C10orf105: variants seen among roughly 807,000 people sequenced by gnomAD.
C10orf105 encodes the protein chromosome 10 open reading frame 105, also known as uncharacterized protein C10orf105.
C10orf105 carries 2 observed loss-of-function variants against 0.6 expected under a neutral mutation model. The ratio of observed to expected loss-of-function variants is 3.18; its 90% CI spans 1.30 to 10.01. The LOEUF is 10.01. C10orf105 is among the 30% of genes most tolerant of loss of function. C10orf105 has a pLI of 0.04. For synonymous variants in C10orf105, 95 were observed against 82.4 expected, an observed-to-expected ratio of 1.15 and a Z score of -0.83; for missense variants, 209 against 191.4, an observed-to-expected ratio of 1.09 and a Z score of -0.54.
upstream of C10orf105, among the ~76,000 whole-genome samples, chr10:71,721,186 G>A (rs1487186039): frequency 3.9e-5 from 6 of 152,210 alleles, no homozygotes; most frequent in East Asian, 5.8e-4. Context: ...TCTGGGCAAC[G>A]TGGCTCTCTT....
chr10:71,716,003 C>A lies in C10orf105; in HGVS notation c.335G>T (p.Arg112Leu), dbSNP rs200650849. 1.3e-6 allele frequency: 2 copies of A among 1,500,096 alleles called. No individual in the cohort carries two copies. The highest frequency in any genetic ancestry group is 1.8e-6 in the Non-Finnish European group (2 of 1,123,834). 92.9% of individuals were successfully genotyped at this position (1,500,096 alleles called of 1,614,324 possible). A position where few individuals can be genotyped will look rare whatever the true frequency, so the allele number is the denominator to read the frequency against. ...SFRHGRPTVPRQPLPGPEDNR... is the reference protein window; with the variant it reads ...SFRHGRPTVPLQPLPGPEDNR... ...GTCCTCGGGGCCCGGCAGGGGCTGT[C>A]GAGGGACGGTGGGCCGGCCATGGCG... The change falls in exon 2 of 2, where the codon CGA becomes CTA. Residue 112 changes from arginine (R) to leucine (L), a missense_variant. Arg to Leu is a moderately radical substitution (Grantham distance 102). Transcript: ENST00000441508.
At chr10:71,724,251 G>A (rs1735560209), upstream of C10orf105, 3 of 785,494 alleles carry the variant, frequency 3.8e-6, no homozygotes, top group Admixed American at 2.5e-5. Context: ...AGGAAACAGG[G>A]ACATTCTCCT....
At chr10:71,736,280 C>T (rs541266692) in intron 1 of C10orf105, among the ~76,000 whole-genome samples, 7 of 152,356 alleles carry the variant, frequency 4.6e-5, no homozygotes, top group African/African-American at 1.4e-4. Context: ...CCACCAGCCC[C>T]GGTAGCCCCA....
intron 1 of C10orf105, among the ~76,000 whole-genome samples, chr10:71,728,862 C>A (rs1866931444): frequency 6.6e-6 from 1 of 152,154 alleles, no homozygotes; most frequent in Non-Finnish European, 1.5e-5. Flanking sequence ...TGTCACCACC[C>A]CCGGCTAATT....
chr10:71,733,800 C>A (rs535995890), intron 1 of C10orf105, among the ~76,000 whole-genome samples: 168 of 152,344 alleles, frequency 1.1e-3, no homozygotes, highest in African/African-American at 3.8e-3. Context: ...TATCAGAATT[C>A]CTTCTTTGAA....
At chr10:71,717,130 C>G (rs984722804) in intron 1 of C10orf105, 7 of 152,222 alleles carry the variant, frequency 4.6e-5, no homozygotes, top group Non-Finnish European at 1.5e-5. Context: ...AACTGAGGTC[C>G]GAAGAGGGGA....
chr10:71,723,318 G>T (rs1303572286), upstream of C10orf105, among the ~76,000 whole-genome samples: 3 of 152,160 alleles, frequency 2.0e-5, no homozygotes, highest in Non-Finnish European at 4.4e-5. Flanking sequence ...TCATGTTGGG[G>T]TCAGCTATGG....
intron 1 of C10orf105, among the ~76,000 whole-genome samples, chr10:71,727,125 G>A (rs1027774973): frequency 2.0e-5 from 3 of 152,116 alleles, no homozygotes; most frequent in Non-Finnish European, 2.9e-5. Flanking sequence ...TTTAACCTCC[G>A]TAACCCTCAT....
rs1866005240 is a variant in C10orf105, at chr10:71,712,338, G to A, written c.*3598C>T. 1 of 258,658 alleles carries A rather than the reference G, an allele frequency of 3.9e-6. No individual in the cohort carries two copies. The highest frequency in any genetic ancestry group is 7.5e-6 in the Non-Finnish European group (1 of 134,162). 16.0% of individuals were successfully genotyped at this position (258,658 alleles called of 1,614,324 possible). A position where few individuals can be genotyped will look rare whatever the true frequency, so the allele number is the denominator to read the frequency against. On this transcript the variant is annotated 3_prime_UTR_variant, in exon 2 of 2. Coordinates refer to ENST00000441508, the MANE Select transcript of C10orf105 (RefSeq NM_001164375.3). ...GTTCCCAGGGGTTTAACATGGGTCT[G>A]TTTTTTTTGGGAGCCATCATTCAAT...
At chr10:71,725,221 C>T in intron 1 of C10orf105, 1 of 1,451,070 alleles carries the variant, frequency 6.9e-7, no homozygotes, top group Non-Finnish European at 9.7e-7. Context: ...CCTCCAGCTT[C>T]CTCTCCACTG....
chr10:71,734,584 G>C (rs1839502611), intron 1 of C10orf105: 1 of 1,599,070 alleles, frequency 6.3e-7, no homozygotes, highest in Non-Finnish European at 8.5e-7. Context: ...GTCTGGAAGA[G>C]CCACAGACGG....
chr10:71,731,069 A>G (rs1429409486), intron 1 of C10orf105, among the ~76,000 whole-genome samples: 1 of 152,240 alleles, frequency 6.6e-6, no homozygotes, highest in African/African-American at 2.4e-5. Context: ...GCCGCAGGGC[A>G]GTAGCCTGAA....
At position 71,714,162 on chromosome 10, in the gene C10orf105, T is replaced by C. The variant is rs902659955; in HGVS notation, c.*1774A>G. On this transcript the variant is annotated 3_prime_UTR_variant, in exon 2 of 2. Transcript: ENST00000441508. ...GCCGGACTCACTTTTTGAGATCAGA[T>C]TGACTTGGAAGGAAGGGACAGTGGG... The C allele has an allele frequency of 7.2e-5, 11 of 152,048 alleles. No individual in the cohort carries two copies. The highest frequency in any genetic ancestry group is 2.2e-4 in the African/African-American group (9 of 41,390). The allele number at this position is 152,048 out of a possible 1,614,324, so 9.4% of individuals were successfully genotyped here. A position where few individuals can be genotyped will look rare whatever the true frequency, so the allele number is the denominator to read the frequency against.
Position 71,714,288 on chromosome 10 carries a change from G to GA in C10orf105, c.*1647dup, listed in dbSNP as rs1374891583. 6.6e-6 allele frequency: 1 copy of GA among 152,090 alleles called. No homozygotes were observed. Among genetic ancestry groups the GA allele is most frequent in the African/African-American group, 2.4e-5 (1 of 41,356 alleles). The allele number at this position is 152,090 out of a possible 1,614,324, so 9.4% of individuals were successfully genotyped here. ...AGCTTCCACCAAGACTCCTGCCTCA[G>GA]AGGGTGGGGACACACCCAGGCTGGG... On this transcript the variant is annotated 3_prime_UTR_variant, in exon 2 of 2. Coordinates refer to ENST00000441508, the MANE Select transcript of C10orf105 (RefSeq NM_001164375.3).
upstream of C10orf105, among the ~76,000 whole-genome samples, chr10:71,722,581 C>T (rs1041444846): frequency 2.0e-5 from 3 of 152,298 alleles, no homozygotes; most frequent in East Asian, 1.9e-4. Flanking sequence ...GCCCTTTCTT[C>T]CTGTGGGGAT....
intron 1 of C10orf105, among the ~76,000 whole-genome samples, chr10:71,728,413 C>T (rs879634166): frequency 6.6e-6 from 1 of 152,126 alleles, no homozygotes; most frequent in Admixed American, 6.5e-5. Flanking sequence ...TCTCTGCCCC[C>T]AGCCCTGCCA....
At chr10:71,721,017 A>G (rs1183086429), upstream of C10orf105, among the ~76,000 whole-genome samples, 1 of 152,104 alleles carries the variant, frequency 6.6e-6, no homozygotes, top group Non-Finnish European at 1.5e-5. Context: ...CACTGCCTTC[A>G]TTTTCCTTAA....
At chr10:71,731,720 C>T (rs531247980) in intron 1 of C10orf105, among the ~76,000 whole-genome samples, 168 of 152,274 alleles carry the variant, frequency 1.1e-3, no homozygotes, top group African/African-American at 3.8e-3. Context: ...TTTGAGGCTC[C>T]AGGAGCAGAC....
In C10orf105 at chr10:71,728,129, A is replaced by G. The variant is rs554950402; in HGVS notation, c.-6+9599T>C. Among the ~76,000 whole-genome samples, 256 of 152,268 alleles carry G rather than the reference A, an allele frequency of 1.7e-3. 6 individuals carry two copies. In the South Asian group the frequency reaches 0.05, roughly 30 times the overall value. Reference sequence around the variant, plus strand: ...GGAAGGGTAAGGCGCACAGTTTTGCAAGAGGAGTGGTTAGTTTCTGTTTAC... The same window carrying G: ...GGAAGGGTAAGGCGCACAGTTTTGCGAGAGGAGTGGTTAGTTTCTGTTTAC... On this transcript the variant is annotated intron_variant, in intron 1 of 1. Transcript: ENST00000398786.
Sources: allele counts gnomAD v4.1 joint callset (sites outside exome capture counted in the v4.1 genomes callset), GRCh38; gene constraint gnomAD v4.1.1; transcripts MANE v1.5; gene names NCBI Gene and HGNC (gene_info 2026-07-23, HGNC 2026-07-21).